Variants in ADD3 observed in about 807,000 individuals in gnomAD.
ADD3 encodes gamma-adducin.
Under a neutral mutation model 80.2 loss-of-function variants are expected in ADD3, and 25 were observed. The ratio of observed to expected loss-of-function variants is 0.31; its 90% CI spans 0.23 to 0.44. ADD3 has a LOEUF of 0.44. Ranked by LOEUF, ADD3 falls within the 20% of genes least tolerant of loss-of-function variation. The pLI is 1.00. For missense variants in ADD3, 829 were observed against 847.5 expected (o/e 0.98, Z 0.27); for synonymous variants, 284 against 289.6 (o/e 0.98, Z 0.20).
Position 110,124,267 on chromosome 10 carries a change from A to G in ADD3, c.1394A>G (p.Lys465Arg), listed in dbSNP as rs1351483776. The G allele has an allele frequency of 1.2e-5, 19 of 1,613,888 alleles. No homozygotes were observed. Among genetic ancestry groups the G allele is most frequent in the Non-Finnish European group, 1.6e-5 (19 of 1,179,722 alleles). The part of the protein sequence containing the change: ...SRNGETSPRT[K>R]ITWMKAEDSS... ...AACGGAGAAACCAGTCCCCGAACCA[A>G]AATCACGGTATGCCAGTATTTTATG... Residue 465 changes from lysine (K) to arginine (R), a missense_variant, in exon 10 of 15, where the codon AAA becomes AGA. Lys to Arg is a conservative substitution (Grantham distance 26). Transcript: ENST00000356080.
Position 110,133,321 on chromosome 10 carries a change from C to T in ADD3, c.1829-5C>T, listed in dbSNP as rs774561644. On this transcript the variant is annotated splice_polypyrimidine_tract_variant and splice_region_variant and intron_variant, in intron 14 of 14. Transcript: ENST00000356080. ...TAACCCCCAAAAAACCCTCCCCTTTCGTAGAAAACCATGAGCTGTTTTCCA... is the reference window on the plus strand; with the variant it reads ...TAACCCCCAAAAAACCCTCCCCTTTTGTAGAAAACCATGAGCTGTTTTCCA... The T allele has an allele frequency of 1.0e-5, 16 of 1,565,036 alleles. No homozygotes were observed. Among genetic ancestry groups the T allele is most frequent in the Admixed American group, 7.3e-5 (4 of 54,708 alleles).
At position 110,124,203 on chromosome 10, in the gene ADD3, A is replaced by T; in HGVS notation, c.1330A>T (p.Asn444Tyr). The T allele has an allele frequency of 6.2e-7, 1 of 1,614,204 alleles. No homozygotes were observed. Residue 444 changes from asparagine (N) to tyrosine (Y), a missense_variant, in exon 10 of 15, where the codon AAT (asparagine) becomes TAT (tyrosine). Asn to Tyr is a moderately radical substitution (Grantham distance 143). Transcript: ENST00000356080. ...REKTRWLNSP[N>Y]TYMKVNVPEE... The stretch of plus-strand genomic sequence containing the variant: ...AAAAACAAGATGGCTGAACTCACCA[A>T]ATACTTACATGAAAGTGAATGTGCC...
intron 1 of ADD3, among the ~76,000 whole-genome samples, chr10:110,033,388 A>T (rs996919392): frequency 2.0e-5 from 3 of 152,242 alleles, no homozygotes; most frequent in Non-Finnish European, 2.9e-5. Context: ...CAAATTTAAT[A>T]TAAAGAGGAT....
rs1852414700 is a variant in ADD3 at position 110,012,185 on chromosome 10, T to G, written c.-30+3886T>G. Among the ~76,000 whole-genome samples, 3 of 152,346 alleles carry G rather than the reference T, an allele frequency of 2.0e-5. No homozygotes were observed. The South Asian group carries it at 6.2e-4, about 32-fold the overall frequency. On this transcript the variant is annotated intron_variant, in intron 1 of 14. Transcript: ENST00000356080. ...CCTGGTGTATTAATGTAATATTTAT[T>G]GAGTACCAACAGTATGCATAGAGTA... is the stretch of plus-strand genomic sequence containing the variant.
intron 1 of ADD3, among the ~76,000 whole-genome samples, chr10:110,091,015 TTAAG>T (rs1847435603): frequency 6.6e-6 from 1 of 152,170 alleles, no homozygotes; most frequent in Non-Finnish European, 1.5e-5. Flanking sequence ...GTTCAGGAAT[TTAAG>T]AATAATACGG....
intron 1 of ADD3, among the ~76,000 whole-genome samples, chr10:110,099,858 T>C (rs1225594851): frequency 1.3e-5 from 2 of 152,258 alleles, no homozygotes; most frequent in African/African-American, 4.8e-5. Flanking sequence ...ATTCGTTCTT[T>C]GCAGCACTTT....
chr10:110,028,517 A>G (rs1277835874), intron 1 of ADD3, among the ~76,000 whole-genome samples: 1 of 152,204 alleles, frequency 6.6e-6, no homozygotes, highest in Non-Finnish European at 1.5e-5. Context: ...GTGAGCCGAC[A>G]TCATGCCATT....
At chr10:110,014,489 TG>T (rs1324263680) in intron 1 of ADD3, among the ~76,000 whole-genome samples, 1 of 152,174 alleles carries the variant, frequency 6.6e-6, no homozygotes, top group Admixed American at 6.5e-5. Context: ...GTGAAAACAG[TG>T]TACCTCTTAC....
chr10:110,098,627 A>T (rs956575065), intron 1 of ADD3, among the ~76,000 whole-genome samples: 3 of 151,960 alleles, frequency 2.0e-5, no homozygotes, highest in African/African-American at 7.3e-5. Flanking sequence ...ATTTTCATGA[A>T]TACAGAATTT....
intron 1 of ADD3, among the ~76,000 whole-genome samples, chr10:110,038,198 C>T (rs1855895271): frequency 6.7e-6 from 1 of 150,300 alleles, no homozygotes; most frequent in South Asian, 2.1e-4. Context: ...GCTTTATTAA[C>T]ATCTCCAGAA....
At chr10:110,017,392 A>G (rs1009483937) in intron 1 of ADD3, among the ~76,000 whole-genome samples, 1 of 152,120 alleles carries the variant, frequency 6.6e-6, no homozygotes, top group Admixed American at 6.5e-5. Context: ...AATGTTTTCT[A>G]TTTGATTTTG....
chr10:110,053,833 T>C (rs1483161102), intron 1 of ADD3, among the ~76,000 whole-genome samples: 2 of 152,234 alleles, frequency 1.3e-5, no homozygotes, highest in African/African-American at 4.8e-5. Context: ...TGTCAGAGGT[T>C]AAATGCAACT....
At chr10:110,072,147 C>T (rs756033931) in intron 1 of ADD3, among the ~76,000 whole-genome samples, 8 of 152,188 alleles carry the variant, frequency 5.3e-5, no homozygotes, top group South Asian at 2.1e-4. Flanking sequence ...CTGCAAGCTC[C>T]GCCTCCTGGG....
At chr10:110,047,339 G>T (rs77763308) in intron 1 of ADD3, among the ~76,000 whole-genome samples, 1 of 152,170 alleles carries the variant, frequency 6.6e-6, no homozygotes, top group Admixed American at 6.5e-5. Flanking sequence ...TGTACTTATA[G>T]TTGGAGACTT....
chr10:110,118,827 CA>C, intron 6 of ADD3, 91 bp downstream of exon 6: 1 of 1,292,392 alleles, frequency 7.7e-7, no homozygotes, highest in Non-Finnish European at 1.1e-6. Context: ...ATCTGCTTTT[CA>C]AAATCATATT....
At chr10:110,125,418 G>A (rs1852014139) in intron 10 of ADD3, among the ~76,000 whole-genome samples, 1 of 147,294 alleles carries the variant, frequency 6.8e-6, no homozygotes, top group Non-Finnish European at 1.5e-5. Flanking sequence ...AAAATCTTAA[G>A]ATATTTCTTA....
Position 110,029,222 on chromosome 10 carries a change from G to A in ADD3, c.-30+20923G>A, listed in dbSNP as rs546124792. 2.6e-5 allele frequency among the ~76,000 whole-genome samples: 4 copies of A among 152,150 alleles called. No homozygotes were observed. The South Asian group carries it at 8.3e-4, about 32-fold the overall frequency. On this transcript the variant is annotated intron_variant, in intron 1 of 14. Coordinates refer to ENST00000356080, the MANE Select transcript of ADD3 (RefSeq NM_016824.5). ...AAGTTTTATCACAGTAGTTATTGCAGTTTGGAATGTAGACATTTTATGTCT... is the reference window on the plus strand; with the variant it reads ...AAGTTTTATCACAGTAGTTATTGCAATTTGGAATGTAGACATTTTATGTCT...
At position 110,100,345 on chromosome 10, in the gene ADD3, A is replaced by G. The variant is rs558761512; in HGVS notation, c.-29-280A>G. On this transcript the variant is annotated intron_variant, in intron 1 of 14. Transcript: ENST00000356080. ...AGCCTGGGTGACACAGTGAGACTCC[A>G]TCTCAAAAAAAAAAAAAAAAAAAGG... is the stretch of plus-strand genomic sequence containing the variant. 1.1e-3 allele frequency among the ~76,000 whole-genome samples: 129 copies of G among 121,794 alleles called. 3 individuals carry two copies. Among genetic ancestry groups the G allele is most frequent in the African/African-American group, 5.2e-3 (121 of 23,290 alleles). The allele number at this position is 121,794 out of a possible 152,430, so 79.9% of individuals were successfully genotyped here.
chr10:110,034,406 C>T (rs907134765), intron 1 of ADD3, among the ~76,000 whole-genome samples: 2 of 151,336 alleles, frequency 1.3e-5, no homozygotes, highest in East Asian at 3.8e-4. Context: ...TTTTGATAAA[C>T]AAGATAATTT....
Sources: allele counts gnomAD v4.1 joint callset (sites outside exome capture counted in the v4.1 genomes callset), GRCh38; gene constraint gnomAD v4.1.1; transcripts MANE v1.5; gene names NCBI Gene and HGNC (gene_info 2026-07-23, HGNC 2026-07-21).